PPP2R3A: variants seen among roughly 807,000 people sequenced by gnomAD.
The protein encoded by PPP2R3A is serine/threonine-protein phosphatase 2A regulatory subunit B'' subunit alpha.
A neutral mutation model predicts 106.9 loss-of-function variants in PPP2R3A; 80 were observed. That is an observed-to-expected ratio of 0.75 (90% CI 0.62 to 0.90). The LOEUF is 0.90. Ranked by LOEUF, PPP2R3A falls within the 40% of genes least tolerant of loss-of-function variation. PPP2R3A has a pLI of 0.00. For synonymous variants in PPP2R3A, 483 were observed against 468.3 expected (o/e 1.03, Z -0.41); for missense variants, 1,386 against 1,350.4 (o/e 1.03, Z -0.41).
At chr3:136,115,774 T>C (rs1407253454) in intron 13 of PPP2R3A, among the ~76,000 whole-genome samples, 2 of 151,858 alleles carry the variant, frequency 1.3e-5, no homozygotes, top group African/African-American at 4.8e-5. Flanking sequence ...GTTTGATTGG[T>C]GAACCTGAAA....
rs56837163 is a variant in PPP2R3A at position 136,126,035 on chromosome 3, G to A, written c.3330-19008G>A. On this transcript the variant is annotated intron_variant, in intron 13 of 13. Coordinates refer to ENST00000264977, the MANE Select transcript of PPP2R3A (RefSeq NM_002718.5). Reference sequence around the variant, plus strand: ...AAAGGAGGGGCGTTCCAAGATGGCCGAATAGGAACAGCTCTGGTCTGCAGC... The same window carrying A: ...AAAGGAGGGGCGTTCCAAGATGGCCAAATAGGAACAGCTCTGGTCTGCAGC... Among the ~76,000 whole-genome samples the A allele has an allele frequency of 9.8e-3, 1,486 of 152,278 alleles. 14 individuals carry two copies. The highest frequency in any genetic ancestry group is 0.034 in the African/African-American group (1,423 of 41,548).
intron 9 of PPP2R3A, among the ~76,000 whole-genome samples, chr3:136,089,948 C>T (rs1215806139): frequency 2.6e-5 from 4 of 152,154 alleles, no homozygotes; most frequent in African/African-American, 9.7e-5. Flanking sequence ...GATTTTTATA[C>T]ATTGATTTTG....
At chr3:136,128,961 T>G (rs1306901565) in intron 13 of PPP2R3A, among the ~76,000 whole-genome samples, 7 of 152,132 alleles carry the variant, frequency 4.6e-5, no homozygotes, top group African/African-American at 1.4e-4. Context: ...AGATGTTGTT[T>G]GAAACCAATG....
intron 13 of PPP2R3A, among the ~76,000 whole-genome samples, chr3:136,123,837 A>G (rs1403529468): frequency 6.6e-6 from 1 of 152,222 alleles, no homozygotes; most frequent in Non-Finnish European, 1.5e-5. Context: ...TCAGTAATTG[A>G]TAGAACGATT....
At chr3:135,999,748 T>C (rs1446326882) in intron 1 of PPP2R3A, among the ~76,000 whole-genome samples, 1 of 152,100 alleles carries the variant, frequency 6.6e-6, no homozygotes, top group Middle Eastern at 3.2e-3. Context: ...GAAAAGTTCA[T>C]CAGATTTTTA....
intron 1 of PPP2R3A, among the ~76,000 whole-genome samples, chr3:135,982,380 T>G (rs1576409737): frequency 6.6e-6 from 1 of 152,248 alleles, no homozygotes; most frequent in East Asian, 1.9e-4. Context: ...CAGTCCCACA[T>G]GTAGGATGTC....
At chr3:136,025,727 T>C (rs935885594) in intron 2 of PPP2R3A, among the ~76,000 whole-genome samples, 1 of 152,134 alleles carries the variant, frequency 6.6e-6, no homozygotes, top group African/African-American at 2.4e-5. Flanking sequence ...GAAATTTGAA[T>C]AATACTTTGT....
chr3:136,081,332 C>A (rs1936775431), intron 7 of PPP2R3A, among the ~76,000 whole-genome samples: 1 of 152,076 alleles, frequency 6.6e-6, no homozygotes, highest in Non-Finnish European at 1.5e-5. Flanking sequence ...AATATTGATA[C>A]CTGTTTATTT....
At chr3:136,064,429 ACT>A (rs1013138403) in intron 5 of PPP2R3A, among the ~76,000 whole-genome samples, 1 of 151,104 alleles carries the variant, frequency 6.6e-6, no homozygotes, top group African/African-American at 2.4e-5. Flanking sequence ...AAAAAATAAG[ACT>A]CTGGAGGGGT....
chr3:136,143,827 A>G (rs1239305453), intron 13 of PPP2R3A, among the ~76,000 whole-genome samples: 2 of 152,172 alleles, frequency 1.3e-5, no homozygotes, highest in Non-Finnish European at 2.9e-5. Context: ...AGGAACTTGA[A>G]TAGGTGCCAC....
At chr3:135,988,822 A>T (rs1933036134) in intron 1 of PPP2R3A, among the ~76,000 whole-genome samples, 1 of 152,058 alleles carries the variant, frequency 6.6e-6, no homozygotes, top group African/African-American at 2.4e-5. Flanking sequence ...GATCTAAAGG[A>T]TTGATTAGAT....
intron 5 of PPP2R3A, among the ~76,000 whole-genome samples, chr3:136,058,324 C>T (rs1467799645): frequency 6.6e-6 from 1 of 152,160 alleles, no homozygotes; most frequent in South Asian, 2.1e-4. Context: ...AGCAAAGTCT[C>T]AGGATACAAA....
At chr3:136,144,747 C>CT (rs570151306) in intron 13 of PPP2R3A, among the ~76,000 whole-genome samples, 1 of 152,042 alleles carries the variant, frequency 6.6e-6, no homozygotes, top group Non-Finnish European at 1.5e-5. Context: ...TCAAATTTTT[C>CT]TTTACCTAGC....
At chr3:136,086,229 A>G (rs1045667265) in intron 8 of PPP2R3A, among the ~76,000 whole-genome samples, 14 of 152,016 alleles carry the variant, frequency 9.2e-5, no homozygotes, top group African/African-American at 2.9e-4. Flanking sequence ...CACGCCTGTA[A>G]TCCCAGCACT....
chr3:136,140,442 T>TAAAAAAA (rs199699500), intron 13 of PPP2R3A, among the ~76,000 whole-genome samples: 1 of 87,234 alleles, frequency 1.1e-5, no homozygotes, highest in African/African-American at 4.8e-5. Context: ...TGAGACTCTT[T>TAAAAAAA]AAAAAAAAAA....
chr3:136,029,274 G>A (rs1198573790), intron 3 of PPP2R3A, among the ~76,000 whole-genome samples: 1 of 152,178 alleles, frequency 6.6e-6, no homozygotes, highest in East Asian at 1.9e-4. Flanking sequence ...ATCATGTCTG[G>A]AGAGCCCTTC....
At chr3:135,980,937 G>C (rs1270376985) in intron 1 of PPP2R3A, among the ~76,000 whole-genome samples, 2 of 151,896 alleles carry the variant, frequency 1.3e-5, no homozygotes, top group Non-Finnish European at 2.9e-5. Flanking sequence ...TAGGTGTACT[G>C]AATGACAGTG....
intron 3 of PPP2R3A, among the ~76,000 whole-genome samples, chr3:136,040,234 G>C (rs1031287563): frequency 6.6e-6 from 1 of 152,130 alleles, no homozygotes; most frequent in African/African-American, 2.4e-5. Context: ...CTTTCTAGAA[G>C]GTAGTAAATT....
At chr3:136,053,360 C>CA (rs1046757080) in intron 5 of PPP2R3A, among the ~76,000 whole-genome samples, 9 of 147,856 alleles carry the variant, frequency 6.1e-5, no homozygotes, top group Middle Eastern at 3.4e-3. Flanking sequence ...TTATATGGAT[C>CA]AAAAAAAAAG....
Sources: gnomAD v4.1 joint callset for allele counts (sites outside exome capture counted in the v4.1 genomes callset) on GRCh38, gnomAD v4.1.1 for gene constraint, MANE v1.5 for transcripts, NCBI Gene and HGNC (gene_info 2026-07-23, HGNC 2026-07-21) for gene names.